The following SPTLC3 variants were observed in gnomAD, a reference collection of about 807,000 sequenced individuals.
SPTLC3 encodes the protein serine palmitoyltransferase 3.
A neutral mutation model predicts 59.3 loss-of-function variants in SPTLC3; 36 were observed. The observed-to-expected ratio is 0.61, with a 90% confidence interval of 0.47 to 0.80. The LOEUF (loss-of-function observed/expected upper bound fraction) is 0.80. SPTLC3 is among the 30% of genes least tolerant of loss of function. SPTLC3 has a pLI of 0.00. For synonymous variants in SPTLC3, 257 were observed against 240.8 expected (o/e 1.07, Z -0.62); for missense variants, 625 against 685.1 (o/e 0.91, Z 0.98).
chr20:13,049,176 T>C (rs1336866341), intron 2 of SPTLC3, 46 bp downstream of exon 2: 2 of 1,594,342 alleles, frequency 1.3e-6, no homozygotes, highest in South Asian at 2.2e-5. Flanking sequence ...CCTACTCCTC[T>C]CTAAAGTGTT....
chr20:13,031,466 A>T (rs1369117531), intron 1 of SPTLC3, among the ~76,000 whole-genome samples: 1 of 152,204 alleles, frequency 6.6e-6, no homozygotes, highest in Admixed American at 6.5e-5. Context: ...GTTGGTGCTC[A>T]ATATATAATT....
chr20:13,061,758 T>C (rs1987985078), intron 2 of SPTLC3, among the ~76,000 whole-genome samples: 1 of 152,200 alleles, frequency 6.6e-6, no homozygotes, highest in Non-Finnish European at 1.5e-5. Context: ...CCCCTGCTGC[T>C]ACAAGCTTTG....
At chr20:13,010,198 ACTCTG>A (rs1985166496) in intron 1 of SPTLC3, among the ~76,000 whole-genome samples, 1 of 152,064 alleles carries the variant, frequency 6.6e-6, no homozygotes, top group Non-Finnish European at 1.5e-5. Context: ...ATCCCGTGTC[ACTCTG>A]CTCTGAGCAG....
intron 10 of SPTLC3, among the ~76,000 whole-genome samples, chr20:13,156,491 G>A (rs1366292111): frequency 2.0e-5 from 3 of 152,150 alleles, no homozygotes; most frequent in Non-Finnish European, 4.4e-5. Context: ...CCTAGCTGGG[G>A]ATTCTTGGAC....
At chr20:13,148,722 C>T (rs1347644583) in intron 9 of SPTLC3, among the ~76,000 whole-genome samples, 1 of 152,178 alleles carries the variant, frequency 6.6e-6, no homozygotes, top group African/African-American at 2.4e-5. Flanking sequence ...TTGGCTGAAC[C>T]TTGTTAAAAC....
intron 9 of SPTLC3, among the ~76,000 whole-genome samples, chr20:13,140,196 G>A (rs1456852923): frequency 6.6e-6 from 1 of 152,148 alleles, no homozygotes; most frequent in East Asian, 1.9e-4. Context: ...TTTCTTTGAA[G>A]AGGGGATGTG....
At chr20:13,045,544 C>G (rs2122488316) in intron 1 of SPTLC3, among the ~76,000 whole-genome samples, 1 of 152,260 alleles carries the variant, frequency 6.6e-6, no homozygotes, top group East Asian at 1.9e-4. Flanking sequence ...CACTAGCTAT[C>G]TCTTAAGGAG....
At chr20:13,091,660 G>A (rs1989227069) in intron 5 of SPTLC3, among the ~76,000 whole-genome samples, 1 of 152,052 alleles carries the variant, frequency 6.6e-6, no homozygotes, top group Admixed American at 6.5e-5. Flanking sequence ...TTTTGAATAA[G>A]TATGCCAGCT....
At chr20:13,146,482 T>C (rs189898156) in intron 9 of SPTLC3, among the ~76,000 whole-genome samples, 64 of 152,266 alleles carry the variant, frequency 4.2e-4, no homozygotes, top group African/African-American at 1.5e-3. Context: ...GCCCTCAGCT[T>C]CCCATATTAG....
chr20:13,110,503 T>C (rs1990170171), intron 7 of SPTLC3, among the ~76,000 whole-genome samples: 1 of 152,178 alleles, frequency 6.6e-6, no homozygotes, highest in African/African-American at 2.4e-5. Flanking sequence ...TCCACTACCT[T>C]TGACTGCCCC....
chr20:13,118,838 T>A (rs985399589), intron 8 of SPTLC3, among the ~76,000 whole-genome samples: 2 of 152,258 alleles, frequency 1.3e-5, no homozygotes, highest in Non-Finnish European at 2.9e-5. Flanking sequence ...AGCTCATGAT[T>A]TAAAACAACA....
chr20:13,071,757 G>T (rs541115544), intron 2 of SPTLC3, among the ~76,000 whole-genome samples: 1 of 152,136 alleles, frequency 6.6e-6, no homozygotes, highest in Non-Finnish European at 1.5e-5. Flanking sequence ...AGAGAGGCCC[G>T]CTGCCTCCAC....
In SPTLC3 at chr20:13,165,539, G is replaced by A. The variant is rs115472783; in HGVS notation, c.*672G>A. The A allele has an allele frequency of 3.2e-4, 48 of 152,336 alleles. No individual in the cohort carries two copies. Among genetic ancestry groups the A allele is most frequent in the African/African-American group, 1.0e-3 (43 of 41,558 alleles). The allele number at this position is 152,336 out of a possible 1,614,324, so 9.4% of individuals were successfully genotyped here. The stretch of plus-strand genomic sequence containing the variant: ...GCTGGTCTCCTACAGTTTTACAGCT[G>A]AGCTTTTGAGGTTTGGAAAATTCAA... On this transcript the variant is annotated 3_prime_UTR_variant, in exon 12 of 12. Coordinates refer to ENST00000399002, the MANE Select transcript of SPTLC3 (RefSeq NM_018327.4).
intron 1 of SPTLC3, among the ~76,000 whole-genome samples, chr20:13,015,523 C>T (rs577066379): frequency 1.3e-5 from 2 of 152,110 alleles, no homozygotes; most frequent in African/African-American, 4.8e-5. Flanking sequence ...GAAAGGCATA[C>T]AACACATGTA....
chr20:13,113,991 C>T (rs1990391562), intron 7 of SPTLC3, among the ~76,000 whole-genome samples: 1 of 152,108 alleles, frequency 6.6e-6, no homozygotes, highest in Non-Finnish European at 1.5e-5. Flanking sequence ...ATTGAGGCTC[C>T]GAGGCTTAGA....
intron 1 of SPTLC3, among the ~76,000 whole-genome samples, chr20:13,048,593 C>A (rs1987332398): frequency 6.6e-6 from 1 of 152,116 alleles, no homozygotes; most frequent in Non-Finnish European, 1.5e-5. Flanking sequence ...CTTATTCCAA[C>A]ATTTGTGATA....
Position 13,071,016 on chromosome 20 carries a change from A to G in SPTLC3, c.304-1240A>G, listed in dbSNP as rs554394167. ...TAAAGCTTCCTTGATTCCTCCAACA[A>G]GGTAGGACTCTCCCTCCTACTGTAA... On this transcript the variant is annotated intron_variant, in intron 2 of 11. Transcript: ENST00000399002. 3.0e-4 allele frequency among the ~76,000 whole-genome samples: 46 copies of G among 152,208 alleles called. No homozygotes were observed. In the East Asian group the frequency reaches 8.5e-3, roughly 28 times the overall value.
intron 2 of SPTLC3, 160 bp downstream of exon 2, chr20:13,049,290 TG>T: frequency 1.3e-6 from 1 of 767,910 alleles, no homozygotes; most frequent in Admixed American, 2.1e-5. Flanking sequence ...CCATTACCCA[TG>T]GGCTTATGGA....
chr20:13,049,398 C>T (rs913979511), intron 2 of SPTLC3: 1 of 331,132 alleles, frequency 3.0e-6, no homozygotes, highest in East Asian at 6.9e-5. Context: ...TGTAACAACC[C>T]CATGATATAG....
Sources: gnomAD v4.1 joint callset for allele counts (sites outside exome capture counted in the v4.1 genomes callset) on GRCh38, gnomAD v4.1.1 for gene constraint, MANE v1.5 for transcripts, NCBI Gene and HGNC (gene_info 2026-07-23, HGNC 2026-07-21) for gene names.